Variants in STN1 observed in about 807,000 individuals in gnomAD.
STN1 encodes the protein CST complex subunit STN1.
Under a neutral mutation model 45.5 loss-of-function variants are expected in STN1, and 29 were observed. The ratio of observed to expected loss-of-function variants is 0.64; its 90% CI spans 0.47 to 0.87. STN1 has a LOEUF of 0.87. STN1 is among the 40% of genes least tolerant of loss of function. The pLI, the probability that STN1 is intolerant of heterozygous loss-of-function variation, is 0.00. For synonymous variants in STN1, 148 were observed against 159.0 expected (o/e 0.93, Z 0.52); for missense variants, 376 against 441.4 (o/e 0.85, Z 1.33).
chr10:103,903,829 G>C (rs575968188), intron 4 of STN1, among the ~76,000 whole-genome samples: 1 of 152,292 alleles, frequency 6.6e-6, no homozygotes, highest in Non-Finnish European at 1.5e-5. Context: ...TTGTCTCATA[G>C]GTTTATTTCT....
intron 7 of STN1, among the ~76,000 whole-genome samples, chr10:103,893,208 G>A (rs1843151595): frequency 2.6e-5 from 4 of 151,330 alleles, no homozygotes; most frequent in South Asian, 4.2e-4. Flanking sequence ...AGTCTCTGTC[G>A]CCCAGGCTGG....
rs1420275453 is a variant in STN1, at chr10:103,909,382, A to ATATATATG, written c.229+1137_229+1144dup. Among the ~76,000 whole-genome samples, 405 of 86,612 alleles carry ATATATATG rather than the reference A, an allele frequency of 4.7e-3. 30 individuals are homozygous for ATATATATG. The highest frequency in any genetic ancestry group is 0.016 in the African/African-American group (369 of 22,684). 56.8% of individuals were successfully genotyped at this position (86,612 alleles called of 152,430 possible). ...AAAAAAAAAATATATATATATATGT[A>ATATATATG]TATATATGTATATATGTATATATAT... On this transcript the variant is annotated intron_variant, in intron 3 of 9. Coordinates refer to ENST00000224950, the MANE Select transcript of STN1 (RefSeq NM_024928.5).
rs573295762 is a variant in STN1, at chr10:103,892,249, T to C, written c.757A>G (p.Asn253Asp). Residue 253 changes from asparagine to aspartate, a missense_variant, in exon 8 of 10, where the codon AAT (asparagine) becomes GAT (aspartate). Physicochemically the swap from Asn to Asp is conservative, Grantham distance 23. Coordinates refer to ENST00000224950, the MANE Select transcript of STN1 (RefSeq NM_024928.5). ...TTGGAAGTGGTGTCCTTCTTAAAAT[T>C]CACCTGTAAAGAGAGGAAAAAGAAA... is the stretch of plus-strand genomic sequence containing the variant. ...VIHSASSDQV[N>D]FKKDTTSKAI... is the part of the protein sequence containing the mutation. 1.3e-6 allele frequency: 2 copies of C among 1,595,310 alleles called. No homozygotes were observed. The highest frequency in any genetic ancestry group is 1.7e-6 in the Non-Finnish European group (2 of 1,175,452).
intron 2 of STN1, among the ~76,000 whole-genome samples, chr10:103,913,670 AGAGAG>A (rs1214196735): frequency 6.6e-6 from 1 of 152,218 alleles, no homozygotes; most frequent in Non-Finnish European, 1.5e-5. Context: ...AAAAAGAATT[AGAGAG>A]CCATTTTCTT....
intron 3 of STN1, among the ~76,000 whole-genome samples, chr10:103,906,792 G>A (rs1272097540): frequency 6.6e-6 from 1 of 152,152 alleles, no homozygotes; most frequent in East Asian, 1.9e-4. Flanking sequence ...AAATACATCA[G>A]TATAAGTTCA....
In STN1 at chr10:103,917,591, G is replaced by C; in HGVS notation, c.4C>G (p.Gln2Glu). ...TCTTCACACCGGCTGGATCCAGGCT[G>C]CATCAAGAGGCAGGGCTGTGGCTTC... The part of the protein sequence containing the change: M[Q>E]PGSSRCEEET... The change falls in exon 2 of 10, where the codon CAG becomes GAG. Residue 2 changes from glutamine to glutamate, a missense_variant. Physicochemically the swap from Gln to Glu is conservative, Grantham distance 29 (BLOSUM62 2). Coordinates refer to ENST00000224950, the MANE Select transcript of STN1 (RefSeq NM_024928.5). 6.2e-7 allele frequency: 1 copy of C among 1,613,512 alleles called. No individual in the cohort carries two copies. Among genetic ancestry groups the C allele is most frequent in the Non-Finnish European group, 8.5e-7 (1 of 1,179,672 alleles).
At chr10:103,898,770 A>C in intron 6 of STN1, 107 bp downstream of exon 6, 1 of 1,316,230 alleles carries the variant, frequency 7.6e-7, no homozygotes, top group South Asian at 1.3e-5. Context: ...CACAGTGCAT[A>C]GGTGGATGAT....
rs1273475818 is a variant in STN1, at chr10:103,914,360, ATATATATATATATAT to A, written c.133+3087_133+3101del. Among the ~76,000 whole-genome samples the A allele has an allele frequency of 1.8e-3, 19 of 10,452 alleles. 2 individuals carry two copies. The highest frequency in any genetic ancestry group is 5.6e-3 in the Admixed American group (4 of 718). 6.9% of individuals were successfully genotyped at this position (10,452 alleles called of 152,430 possible). A position where few individuals can be genotyped will look rare whatever the true frequency, so the allele number is the denominator to read the frequency against. On this transcript the variant is annotated intron_variant, in intron 2 of 9. Coordinates refer to ENST00000224950, the MANE Select transcript of STN1 (RefSeq NM_024928.5). The stretch of plus-strand genomic sequence containing the variant: ...CATATATATATATATATATATATAT[ATATATATATATATAT>A]TTTTTTTTTTTTTTTTTGAGACAGG...
At chr10:103,888,423 C>CTCTT (rs34792313) in intron 9 of STN1, among the ~76,000 whole-genome samples, 67,350 of 151,826 alleles carry the variant, frequency 0.44, 15,587 homozygotes, top group Admixed American at 0.5. Context: ...ATGCTTCCTT[C>CTCTT]TCTAACTAGT....
chr10:103,897,777 G>T, intron 6 of STN1, 58 bp from the exon 7 acceptor site: 2 of 1,574,190 alleles, frequency 1.3e-6, no homozygotes, highest in Non-Finnish European at 1.7e-6. Context: ...GTTCCTTTTT[G>T]GTGTATAAAA....
intron 2 of STN1, among the ~76,000 whole-genome samples, chr10:103,912,937 G>A (rs371043213): frequency 6.6e-6 from 1 of 152,242 alleles, no homozygotes; most frequent in African/African-American, 2.4e-5. Context: ...GAGGCAGAAA[G>A]CAGAGCTGTT....
intron 2 of STN1, among the ~76,000 whole-genome samples, chr10:103,911,572 G>A (rs1209990575): frequency 6.6e-6 from 1 of 151,884 alleles, no homozygotes; most frequent in East Asian, 1.9e-4. Context: ...TTAGACATGG[G>A]CATCTCACTT....
At chr10:103,902,433 G>A (rs1461251992) in intron 4 of STN1, among the ~76,000 whole-genome samples, 1 of 152,216 alleles carries the variant, frequency 6.6e-6, no homozygotes, top group Admixed American at 6.5e-5. Context: ...CTGAGAAAAA[G>A]AGGCCCACCT....
chr10:103,897,029 G>A (rs544359557), intron 7 of STN1, among the ~76,000 whole-genome samples: 5 of 152,086 alleles, frequency 3.3e-5, no homozygotes, highest in African/African-American at 7.2e-5. Context: ...AATGATTCGC[G>A]AACTTGAACC....
chr10:103,889,171 A>G (rs370988186), intron 8 of STN1, 27 bp from the exon 9 acceptor site: 29 of 1,507,812 alleles, frequency 1.9e-5, no homozygotes, highest in Admixed American at 5.0e-5. Context: ...GTTGAGAGAG[A>G]GAGTGTTCTT....
At chr10:103,888,647 C>G (rs1843118683) in intron 9 of STN1, among the ~76,000 whole-genome samples, 1 of 152,158 alleles carries the variant, frequency 6.6e-6, no homozygotes, top group African/African-American at 2.4e-5. Flanking sequence ...AGGGAAATGT[C>G]AGGTTTGTGT....
rs1843068501 is a variant in STN1 at position 103,881,487 on chromosome 10, AT to A, written c.*1196del. The stretch of plus-strand genomic sequence containing the variant: ...TTAGAAATCAGCAAAGGTTTGCATC[AT>A]TACAAAAGTCTATGACAGGAGGCAA... On this transcript the variant is annotated 3_prime_UTR_variant, in exon 10 of 10. Coordinates refer to ENST00000224950, the MANE Select transcript of STN1 (RefSeq NM_024928.5). Among the ~76,000 whole-genome samples the A allele has an allele frequency of 6.6e-6, 1 of 152,212 alleles. No homozygotes were observed. Among genetic ancestry groups the A allele is most frequent in the African/African-American group, 2.4e-5 (1 of 41,462 alleles).
At position 103,910,617 on chromosome 10, in the gene STN1, A is replaced by C. The variant is rs1843283737; in HGVS notation, c.139T>G (p.Phe47Val). 2 of 1,593,678 alleles carry C rather than the reference A, an allele frequency of 1.3e-6. No individual in the cohort carries two copies. Among genetic ancestry groups the C allele is most frequent in the African/African-American group, 1.3e-5 (1 of 74,614 alleles). Reference protein sequence around the residue: ...MKESRQVPGVFLYNGHPIKQV... With the variant: ...MKESRQVPGVVLYNGHPIKQV... ...TTTATTGGATGTCCATTGTACAAAA[A>C]TACACCTAAAATTTAAAAAAAGCAA... The change falls in exon 3 of 10, where the codon TTT (phenylalanine) becomes GTT (valine). Residue 47 changes from phenylalanine (F) to valine (V), a missense_variant. By Grantham distance (50) the Phe-to-Val change is conservative. Transcript: ENST00000224950.
At chr10:103,910,423 G>A (rs1303793891) in intron 3 of STN1, 104 bp downstream of exon 3, 12 of 686,114 alleles carry the variant, frequency 1.7e-5, no homozygotes, top group Non-Finnish European at 3.1e-5. Flanking sequence ...CCCTTAGTGA[G>A]GGTCCCCAGC....
Sources: gnomAD v4.1 joint callset for allele counts (sites outside exome capture counted in the v4.1 genomes callset) on GRCh38, gnomAD v4.1.1 for gene constraint, MANE v1.5 for transcripts, NCBI Gene and HGNC (gene_info 2026-07-23, HGNC 2026-07-21) for gene names.